Variants in PPP1R9A observed in about 807,000 individuals in gnomAD.
The protein encoded by PPP1R9A is protein phosphatase 1 regulatory subunit 9A, also known as neurabin-1.
In PPP1R9A, 59 loss-of-function variants were observed where a neutral mutation model predicts 141.9. The ratio of observed to expected loss-of-function variants is 0.42; its 90% confidence interval spans 0.34 to 0.52. PPP1R9A has a LOEUF of 0.52. PPP1R9A is among the 20% of genes least tolerant of loss of function. PPP1R9A has a pLI of 0.10. For missense variants in PPP1R9A, 1,444 were observed against 1,611.9 expected (o/e 0.90, Z 1.78); for synonymous variants, 500 against 569.7 (o/e 0.88, Z 1.74).
chr7:95,175,097 G>C (rs960317850), intron 5 of PPP1R9A: 26 of 152,248 alleles, frequency 1.7e-4, no homozygotes, highest in African/African-American at 5.8e-4. Context: ...AATCTGAAAT[G>C]ACATCCCGTC....
At chr7:94,927,157 A>AT (rs879871889) in intron 2 of PPP1R9A, among the ~76,000 whole-genome samples, 39 of 152,098 alleles carry the variant, frequency 2.6e-4, no homozygotes, top group Non-Finnish European at 5.6e-4. Context: ...ATGTACAATA[A>AT]TTTTTTGGGG....
chr7:95,142,152 A>G (rs542601914), intron 4 of PPP1R9A, among the ~76,000 whole-genome samples: 1 of 152,030 alleles, frequency 6.6e-6, no homozygotes, highest in South Asian at 2.1e-4. Context: ...GGCCATTTTT[A>G]TATCTACTTT....
intron 2 of PPP1R9A, among the ~76,000 whole-genome samples, chr7:95,078,222 T>C (rs1369219864): frequency 2.7e-5 from 4 of 149,122 alleles, no homozygotes; most frequent in East Asian, 4.0e-4. Flanking sequence ...TGAGTGAGAA[T>C]ATGCGGTGTT....
intron 8 of PPP1R9A, among the ~76,000 whole-genome samples, chr7:95,235,317 C>A (rs914329005): frequency 6.6e-6 from 1 of 152,012 alleles, no homozygotes; most frequent in African/African-American, 2.4e-5. Flanking sequence ...AACAAATCAG[C>A]AAGACAAAAC....
In PPP1R9A at chr7:95,251,875, A is replaced by G. The variant is rs2153008348; in HGVS notation, c.2493+17A>G. On this transcript the variant is annotated intron_variant, in intron 11 of 19. Coordinates refer to ENST00000433360, the MANE Select transcript of PPP1R9A (RefSeq NM_001166160.2). ...CAAGTGCGGGTAAGTTGTGTTCCCT[A>G]AGACACTAAATAATAAGATGGTTTT... The G allele has an allele frequency of 1.9e-6, 3 of 1,612,526 alleles. No individual in the cohort carries two copies. The highest frequency in any genetic ancestry group is 2.5e-6 in the Non-Finnish European group (3 of 1,179,594).
chr7:95,114,666 A>G (rs1415063548), intron 3 of PPP1R9A, among the ~76,000 whole-genome samples: 2 of 152,172 alleles, frequency 1.3e-5, no homozygotes, highest in East Asian at 1.9e-4. Context: ...GGACAGATTT[A>G]TGGACAGAAA....
intron 5 of PPP1R9A, among the ~76,000 whole-genome samples, chr7:95,164,339 T>C (rs1338284696): frequency 6.6e-6 from 1 of 152,226 alleles, no homozygotes; most frequent in East Asian, 1.9e-4. Flanking sequence ...TTACAACTGG[T>C]AATGAAAAGT....
chr7:95,098,390 A>G (rs961055258), intron 2 of PPP1R9A: 1 of 125,138 alleles, frequency 8.0e-6, no homozygotes, highest in African/African-American at 3.4e-5. Context: ...AAATAAATAA[A>G]AAATAAATGT....
intron 2 of PPP1R9A, among the ~76,000 whole-genome samples, chr7:95,030,037 C>T (rs991318203): frequency 2.0e-5 from 3 of 152,204 alleles, no homozygotes; most frequent in African/African-American, 7.2e-5. Flanking sequence ...AGACGTATAT[C>T]TCATCGCTAA....
chr7:94,914,946 T>G (rs1468274814), intron 2 of PPP1R9A, among the ~76,000 whole-genome samples: 1 of 152,216 alleles, frequency 6.6e-6, no homozygotes. Context: ...TGCTGCAGCC[T>G]CATTAAGGAA....
intron 16 of PPP1R9A, among the ~76,000 whole-genome samples, chr7:95,275,759 CAT>C (rs774397951): frequency 4.6e-5 from 7 of 152,298 alleles, no homozygotes; most frequent in Non-Finnish European, 1.0e-4. Context: ...TCTTTTCTGA[CAT>C]ATACCTTGGT....
intron 2 of PPP1R9A, among the ~76,000 whole-genome samples, chr7:94,912,111 AG>A (rs1791520884): frequency 6.6e-6 from 1 of 152,246 alleles, no homozygotes; most frequent in African/African-American, 2.4e-5. Context: ...GACTGTAAAC[AG>A]TCTGAGTTCA....
At chr7:95,121,380 G>A (rs1822538110) in intron 4 of PPP1R9A, among the ~76,000 whole-genome samples, 1 of 152,086 alleles carries the variant, frequency 6.6e-6, no homozygotes, top group Non-Finnish European at 1.5e-5. Context: ...GATAATTCTA[G>A]TACACAGCAG....
chr7:95,050,917 G>A (rs1011554013), intron 2 of PPP1R9A, among the ~76,000 whole-genome samples: 153 of 152,200 alleles, frequency 1.0e-3, no homozygotes, highest in African/African-American at 3.6e-3. Context: ...CTAAATGGGG[G>A]TCCCATCAGT....
intron 5 of PPP1R9A, among the ~76,000 whole-genome samples, chr7:95,165,914 G>A (rs139457007): frequency 2.6e-5 from 4 of 152,246 alleles, no homozygotes; most frequent in African/African-American, 9.6e-5. Flanking sequence ...TTGGGAAGCT[G>A]AGGCAGGTGG....
At chr7:95,261,392 GT>G (rs751661892) in intron 12 of PPP1R9A, among the ~76,000 whole-genome samples, 2 of 152,100 alleles carry the variant, frequency 1.3e-5, no homozygotes, top group Non-Finnish European at 2.9e-5. Context: ...AAATAATTCT[GT>G]TTTAATACTA....
At chr7:95,279,741 A>G (rs1471590981) in intron 16 of PPP1R9A, among the ~76,000 whole-genome samples, 1 of 152,234 alleles carries the variant, frequency 6.6e-6, no homozygotes, top group Non-Finnish European at 1.5e-5. Flanking sequence ...ATGAGTTTAG[A>G]TCATTAAAAT....
Position 95,290,378 on chromosome 7 carries a change from G to A in PPP1R9A, c.*75G>A, listed in dbSNP as rs919175688. On this transcript the variant is annotated 3_prime_UTR_variant, in exon 20 of 20. Coordinates refer to ENST00000433360, the MANE Select transcript of PPP1R9A (RefSeq NM_001166160.2). ...TCTTCCTGCCCTGCTCTCCTCCAGA[G>A]GATGAAAAAGAAACTAAATGATAAG... is the stretch of plus-strand genomic sequence containing the variant. The A allele has an allele frequency of 2.8e-6, 4 of 1,440,950 alleles. No homozygotes were observed. In the South Asian group the frequency reaches 5.5e-5, roughly 20 times the overall value. The allele number at this position is 1,440,950 out of a possible 1,614,324, so 89.3% of individuals were successfully genotyped here.
At chr7:94,918,757 G>A (rs1258281585) in intron 2 of PPP1R9A, among the ~76,000 whole-genome samples, 1 of 152,170 alleles carries the variant, frequency 6.6e-6, no homozygotes, top group Non-Finnish European at 1.5e-5. Flanking sequence ...TAGGAGACTT[G>A]AAGAAGAATA....
Sources: allele counts gnomAD v4.1 joint callset (sites outside exome capture counted in the v4.1 genomes callset), GRCh38; gene constraint gnomAD v4.1.1; transcripts MANE v1.5; gene names NCBI Gene and HGNC (gene_info 2026-07-23, HGNC 2026-07-21).